Variants in NREP observed in about 807,000 individuals in gnomAD.
NREP encodes the protein neuronal regeneration related protein.
NREP carries 5 observed loss-of-function variants against 8.6 expected under a neutral mutation model. The ratio of observed to expected loss-of-function variants is 0.58; its 90% CI spans 0.30 to 1.22. The LOEUF (loss-of-function observed/expected upper bound fraction) is 1.22. Among genes scored for constraint, NREP ranks in the 50% most tolerant of loss-of-function variants. NREP has a pLI of 0.07. For synonymous variants in NREP, 27 were observed against 28.0 expected (o/e 0.96, Z 0.11); for missense variants, 86 against 82.5 (o/e 1.04, Z -0.17).
At chr5:111,824,229 C>T (rs1274403017) in intron 2 of NREP, among the ~76,000 whole-genome samples, 7 of 152,000 alleles carry the variant, frequency 4.6e-5, no homozygotes, top group East Asian at 1.9e-4. Context: ...ATTAGCCTGG[C>T]GTAGTGGTGG....
intron 2 of NREP, among the ~76,000 whole-genome samples, chr5:111,750,136 C>T (rs921679565): frequency 6.6e-6 from 1 of 152,132 alleles, no homozygotes; most frequent in African/African-American, 2.4e-5. Context: ...CTTGACAGCA[C>T]AGAGGTCCTA....
rs548584110 is a variant in NREP at position 111,804,134 on chromosome 5, G to A, written c.136-68627C>T. Among the ~76,000 whole-genome samples the A allele has an allele frequency of 1.8e-4, 28 of 152,222 alleles. 1 individual carries two copies. The highest frequency in any genetic ancestry group is 6.8e-3 in the Middle Eastern group (2 of 294). On this transcript the variant is annotated intron_variant, in intron 2 of 3. Coordinates refer to the NREP transcript ENST00000395634. ...AAATGAAAGAGGGATTGTCCCATTA[G>A]AAATGTAAAAAAGCCTTCAGAATTA...
rs181487284 is a variant in NREP, at chr5:111,909,751, G to A, written c.135+65523C>T. On this transcript the variant is annotated intron_variant, in intron 2 of 3. Transcript: ENST00000395634. ...TGTCAAAGTTTTCATTTTCTAACAC[G>A]AAATCCTACCAGAGCCTCAATGCCA... Among the ~76,000 whole-genome samples, 5 of 152,114 alleles carry A rather than the reference G, an allele frequency of 3.3e-5. No homozygotes were observed. In the East Asian group the frequency reaches 7.7e-4, roughly 24 times the overall value.
upstream of NREP, chr5:111,757,655 C>G: frequency 1.0e-6 from 1 of 983,276 alleles, no homozygotes; most frequent in Non-Finnish European, 1.2e-6. Context: ...GCGCCCCGCT[C>G]GCCGCGCCGT....
chr5:111,791,131 A>G (rs939970115), intron 2 of NREP, among the ~76,000 whole-genome samples: 3 of 152,256 alleles, frequency 2.0e-5, no homozygotes, highest in African/African-American at 7.2e-5. Context: ...GGAGTGGAAC[A>G]TGATGTTTTG....
intron 2 of NREP, among the ~76,000 whole-genome samples, chr5:111,804,820 A>T (rs4557466): frequency 0.72 from 110,131 of 151,914 alleles, 40,155 homozygotes; most frequent in East Asian, 0.94. Flanking sequence ...GCTAACACGG[A>T]GAAACCCCGT....
chr5:111,865,496 T>G (rs1198583537), intron 2 of NREP, among the ~76,000 whole-genome samples: 1 of 152,162 alleles, frequency 6.6e-6, no homozygotes, highest in East Asian at 1.9e-4. Context: ...CACTGAGAGC[T>G]TGACCATATT....
intron 2 of NREP, among the ~76,000 whole-genome samples, chr5:111,790,813 AG>A (rs1751728122): frequency 6.6e-6 from 1 of 152,158 alleles, no homozygotes; most frequent in Non-Finnish European, 1.5e-5. Context: ...TGAACAACAC[AG>A]GTTTAAATTG....
intron 2 of NREP, among the ~76,000 whole-genome samples, chr5:111,777,209 T>A (rs1332844642): frequency 6.6e-6 from 1 of 152,148 alleles, no homozygotes; most frequent in Non-Finnish European, 1.5e-5. Context: ...GGATGGTACA[T>A]AATTAATATC....
chr5:111,855,943 G>A (rs1753417339), intron 2 of NREP, among the ~76,000 whole-genome samples: 1 of 152,202 alleles, frequency 6.6e-6, no homozygotes, highest in African/African-American at 2.4e-5. Flanking sequence ...GTCCTGTTTT[G>A]TCTACTTTTC....
At chr5:111,848,807 G>A (rs1402390067) in intron 2 of NREP, among the ~76,000 whole-genome samples, 1 of 152,112 alleles carries the variant, frequency 6.6e-6, no homozygotes. Flanking sequence ...TTTGCCATTT[G>A]TCAGCAGAGT....
Position 111,735,489 on chromosome 5 carries a change from A to C in NREP, c.22T>G (p.Phe8Val). ...AATGGTTCTTGACTGACCCAGACAA[A>C]GAGTTCTGGGTAATAAACCTATAGA... MVYYPEL[F>V]VWVSQEPFPN... Residue 8 changes from phenylalanine to valine, a missense_variant, in exon 3 of 4, where the codon TTT becomes GTT. Coordinates refer to ENST00000257435, the MANE Select transcript of NREP (RefSeq NM_004772.4). 6.2e-7 allele frequency: 1 copy of C among 1,612,624 alleles called. No individual in the cohort carries two copies. Among genetic ancestry groups the C allele is most frequent in the Non-Finnish European group, 8.5e-7 (1 of 1,178,940 alleles).
chr5:111,772,616 A>C (rs1476235877), intron 2 of NREP, among the ~76,000 whole-genome samples: 2 of 152,018 alleles, frequency 1.3e-5, no homozygotes, highest in Non-Finnish European at 2.9e-5. Flanking sequence ...GAGAAGCAGC[A>C]ACAAGTCCTC....
At chr5:111,752,769 A>T (rs1050333544) in intron 2 of NREP, among the ~76,000 whole-genome samples, 1 of 152,162 alleles carries the variant, frequency 6.6e-6, no homozygotes. Flanking sequence ...CTGTGAGTCC[A>T]TGGCACACAC....
chr5:111,796,331 T>G (rs1462809254), intron 2 of NREP, among the ~76,000 whole-genome samples: 1 of 152,186 alleles, frequency 6.6e-6, no homozygotes, highest in Non-Finnish European at 1.5e-5. Flanking sequence ...GGCCCAGCCA[T>G]GATAATCTGT....
intron 2 of NREP, among the ~76,000 whole-genome samples, chr5:111,899,832 TGAAGA>T (rs1754600546): frequency 6.6e-6 from 1 of 152,216 alleles, no homozygotes; most frequent in Non-Finnish European, 1.5e-5. Context: ...ATTATTAGAC[TGAAGA>T]GAGATTTGCA....
Position 111,902,260 on chromosome 5 carries a change from C to G in NREP, c.135+73014G>C, listed in dbSNP as rs141683304. ...TAGAGTCCATAAACAGAAGATGAAA[C>G]TAGACCCCTATCTCTCGCCATCCAC... On this transcript the variant is annotated intron_variant, in intron 2 of 3. Coordinates refer to the NREP transcript ENST00000395634. Among the ~76,000 whole-genome samples, 715 of 152,046 alleles carry G rather than the reference C, an allele frequency of 4.7e-3. 4 individuals carry two copies. The highest frequency in any genetic ancestry group is 0.016 in the African/African-American group (671 of 41,488).
chr5:111,808,736 T>G (rs1752200522), intron 2 of NREP, among the ~76,000 whole-genome samples: 1 of 152,152 alleles, frequency 6.6e-6, no homozygotes, highest in Admixed American at 6.5e-5. Context: ...AACCCTCTGA[T>G]GTGCTACTCC....
intron 2 of NREP, among the ~76,000 whole-genome samples, chr5:111,918,533 A>T (rs1755131265): frequency 6.6e-6 from 1 of 152,134 alleles, no homozygotes; most frequent in South Asian, 2.1e-4. Context: ...ATGGAACACA[A>T]CAGAGGCCTC....
Sources: gnomAD v4.1 joint callset for allele counts (sites outside exome capture counted in the v4.1 genomes callset) on GRCh38, gnomAD v4.1.1 for gene constraint, MANE v1.5 for transcripts, NCBI Gene and HGNC (gene_info 2026-07-23, HGNC 2026-07-21) for gene names.